PRKN: variants seen among roughly 807,000 people sequenced by gnomAD.
PRKN encodes the protein parkin RBR E3 ubiquitin protein ligase.
Under a neutral mutation model 59.5 loss-of-function variants are expected in PRKN, and 56 were observed. That is an observed-to-expected ratio of 0.94 (90% CI 0.76 to 1.18). The LOEUF (loss-of-function observed/expected upper bound fraction) is 1.18. Among genes scored for constraint, PRKN ranks in the 50% most tolerant of loss-of-function variants. The probability of loss-of-function intolerance (pLI) is 0.00; values close to 1 mark genes in which losing one functional copy is unlikely to be tolerated. For missense variants in PRKN, 657 were observed against 596.4 expected (o/e 1.10, Z -1.06); for synonymous variants, 250 against 222.1 (o/e 1.13, Z -1.12).
chr6:162,068,856 T>C (rs4485989), intron 4 of PRKN, among the ~76,000 whole-genome samples: 122,417 of 149,250 alleles, frequency 0.82, 50,399 homozygotes, highest in Admixed American at 0.88. Flanking sequence ...GTGGGGGTCA[T>C]CTTCATGTCT....
intron 7 of PRKN, among the ~76,000 whole-genome samples, chr6:161,620,963 C>T (rs796187672): frequency 6.6e-5 from 10 of 152,204 alleles, no homozygotes; most frequent in African/African-American, 2.4e-4. Context: ...TGTATAATTC[C>T]GATGACTATC....
intron 6 of PRKN, among the ~76,000 whole-genome samples, chr6:161,968,187 ATTT>A (rs530441181): frequency 0.033 from 4,191 of 127,872 alleles, 182 homozygotes; most frequent in African/African-American, 0.11. Context: ...TGCCTGGCTA[ATTT>A]TTTTTTTTTT....
rs138847661 is a variant in PRKN, at chr6:161,841,601, C to T, written c.735-55693G>A. Among the ~76,000 whole-genome samples, 845 of 152,240 alleles carry T rather than the reference C, an allele frequency of 5.6e-3. 3 individuals carry two copies. The highest frequency in any genetic ancestry group is 0.019 in the African/African-American group (793 of 41,558). On this transcript the variant is annotated intron_variant, in intron 6 of 11. Coordinates refer to ENST00000366898, the MANE Select transcript of PRKN (RefSeq NM_004562.3). ...CTGACCTCAGGTGATCTGCCCACCT[C>T]GGCCTCCCAAAGTGCTGGGATTACA... is the stretch of plus-strand genomic sequence containing the variant.
intron 6 of PRKN, among the ~76,000 whole-genome samples, chr6:161,944,108 AATCAGCCTGAGGGACCAGCCTGAGGG>A (rs1245865401): frequency 2.3e-3 from 274 of 120,234 alleles, no homozygotes; most frequent in Middle Eastern, 7.9e-3. Flanking sequence ...CAGCCTGAGG[AATCAGCCTGAGGGACCAGCCTGAGGG>A]ATCAGCCTGA....
At chr6:162,313,452 T>C (rs1782613208) in intron 2 of PRKN, among the ~76,000 whole-genome samples, 1 of 152,124 alleles carries the variant, frequency 6.6e-6, no homozygotes, top group Non-Finnish European at 1.5e-5. Flanking sequence ...GGCCGAATAA[T>C]ATTCTATTGC....
intron 8 of PRKN, among the ~76,000 whole-genome samples, chr6:161,569,126 G>T (rs1241908243): frequency 1.3e-5 from 2 of 152,204 alleles, no homozygotes; most frequent in African/African-American, 2.4e-5. Flanking sequence ...GTCTTGAGAT[G>T]AAATGCACTG....
chr6:162,684,400 T>A (rs937744097), intron 1 of PRKN, among the ~76,000 whole-genome samples: 21 of 152,166 alleles, frequency 1.4e-4, no homozygotes, highest in African/African-American at 5.1e-4. Context: ...TCAAAAATTA[T>A]GTCTAGTTTT....
At chr6:162,399,759 A>G (rs973540332) in intron 2 of PRKN, among the ~76,000 whole-genome samples, 1 of 152,180 alleles carries the variant, frequency 6.6e-6, no homozygotes, top group Non-Finnish European at 1.5e-5. Flanking sequence ...AGCTGGAGAC[A>G]TAACAGAGAA....
At chr6:162,487,802 A>G (rs1463438353) in intron 1 of PRKN, among the ~76,000 whole-genome samples, 5 of 152,170 alleles carry the variant, frequency 3.3e-5, no homozygotes, top group African/African-American at 1.2e-4. Flanking sequence ...CTGGCTGGGT[A>G]TGAGGACTCA....
chr6:162,456,097 A>AT lies in PRKN; in HGVS notation c.8-12625dup, dbSNP rs1402385333. ...TAATTATGACAAATATTACTAATAA[A>AT]TTTTTGTTACAATTTTGAAGACATT... On this transcript the variant is annotated intron_variant, in intron 1 of 11. Coordinates refer to ENST00000366898, the MANE Select transcript of PRKN (RefSeq NM_004562.3). Among the ~76,000 whole-genome samples, 3 of 152,288 alleles carry AT rather than the reference A, an allele frequency of 2.0e-5. No homozygotes were observed. In the South Asian group the frequency reaches 6.2e-4, roughly 32 times the overall value.
chr6:161,880,175 A>G (rs933364267), intron 6 of PRKN, among the ~76,000 whole-genome samples: 2 of 152,236 alleles, frequency 1.3e-5, no homozygotes, highest in Non-Finnish European at 2.9e-5. Flanking sequence ...GATAATAGAC[A>G]ATGAATTTCA....
chr6:161,655,885 TACAC>T (rs376047879), intron 7 of PRKN, among the ~76,000 whole-genome samples: 1,559 of 56,814 alleles, frequency 0.027, 15 homozygotes, highest in African/African-American at 0.064. Context: ...CACACACACA[TACAC>T]ACACACACAC....
chr6:162,221,732 A>G (rs1327021475), intron 3 of PRKN, among the ~76,000 whole-genome samples: 1 of 152,142 alleles, frequency 6.6e-6, no homozygotes, highest in Non-Finnish European at 1.5e-5. Flanking sequence ...AAGAGAGGAG[A>G]TGTAAATATT....
intron 6 of PRKN, among the ~76,000 whole-genome samples, chr6:161,808,871 C>T (rs187253198): frequency 6.6e-6 from 1 of 152,180 alleles, no homozygotes; most frequent in East Asian, 1.9e-4. Flanking sequence ...GACAGGGTCT[C>T]ACTCTGTTGC....
chr6:161,998,819 C>T (rs1781939737), intron 5 of PRKN, among the ~76,000 whole-genome samples: 1 of 152,024 alleles, frequency 6.6e-6, no homozygotes, highest in South Asian at 2.1e-4. Context: ...TTCCTAACCC[C>T]CAAAATGCCT....
chr6:161,714,440 A>AC (rs1786884683), intron 7 of PRKN, among the ~76,000 whole-genome samples: 2 of 152,220 alleles, frequency 1.3e-5, no homozygotes, highest in Non-Finnish European at 2.9e-5. Context: ...GTGAAGACAC[A>AC]GCAAGGAGGT....
At chr6:162,498,832 G>GATTATTGTTGAAA (rs56708693) in intron 1 of PRKN, among the ~76,000 whole-genome samples, 1 of 151,746 alleles carries the variant, frequency 6.6e-6, no homozygotes, top group African/African-American at 2.4e-5. Context: ...ATGAGAATTG[G>GATTATTGTTGAAA]ACAGTAGCCG....
intron 1 of PRKN, among the ~76,000 whole-genome samples, chr6:162,680,842 T>A (rs929571271): frequency 3.9e-5 from 6 of 152,174 alleles, no homozygotes; most frequent in African/African-American, 9.7e-5. Flanking sequence ...AATAATTTTT[T>A]AACACTGCAC....
At chr6:162,155,275 G>C (rs891526737) in intron 4 of PRKN, among the ~76,000 whole-genome samples, 1 of 152,062 alleles carries the variant, frequency 6.6e-6, no homozygotes, top group African/African-American at 2.4e-5. Context: ...CTGATATTTT[G>C]CCATATTGCT....
Sources: allele counts gnomAD v4.1 joint callset (sites outside exome capture counted in the v4.1 genomes callset), GRCh38; gene constraint gnomAD v4.1.1; transcripts MANE v1.5; gene names NCBI Gene and HGNC (gene_info 2026-07-23, HGNC 2026-07-21).